OPCML: variants seen among roughly 807,000 people sequenced by gnomAD.
OPCML encodes the protein opioid binding protein/cell adhesion molecule like.
OPCML carries 13 observed loss-of-function variants against 37.8 expected under a neutral mutation model. The observed-to-expected ratio is 0.34, with a 90% CI of 0.22 to 0.55. The LOEUF is 0.55. Ranked by LOEUF, OPCML falls within the 20% of genes least tolerant of loss-of-function variation. The pLI is 0.91. For missense variants in OPCML, 341 were observed against 435.6 expected (o/e 0.78, Z 1.93); for synonymous variants, 176 against 168.8 (o/e 1.04, Z -0.33).
At chr11:132,556,510 C>T (rs966274544) in intron 3 of OPCML, among the ~76,000 whole-genome samples, 2 of 152,160 alleles carry the variant, frequency 1.3e-5, no homozygotes, top group Non-Finnish European at 2.9e-5. Context: ...AGAGAAGACA[C>T]TTTCCAAAGG....
chr11:133,326,152 C>A, intron 1 of OPCML, among the ~76,000 whole-genome samples: 1 of 151,904 alleles, frequency 6.6e-6, no homozygotes, highest in East Asian at 1.9e-4. Flanking sequence ...ATAACTGAGT[C>A]CTCTTTCCCT....
At chr11:133,193,697 AATG>A (rs1229012813) in intron 1 of OPCML, among the ~76,000 whole-genome samples, 1 of 152,232 alleles carries the variant, frequency 6.6e-6, no homozygotes, top group African/African-American at 2.4e-5. Context: ...AATAATAAAT[AATG>A]ATAATAATAA....
At chr11:133,400,525 G>A (rs886948412) in intron 1 of OPCML, among the ~76,000 whole-genome samples, 19 of 152,150 alleles carry the variant, frequency 1.2e-4, no homozygotes, top group African/African-American at 3.6e-4. Flanking sequence ...TAAAAACAAC[G>A]CTTTGCAGTT....
chr11:132,496,488 G>A (rs2096231636), intron 4 of OPCML, among the ~76,000 whole-genome samples: 1 of 152,146 alleles, frequency 6.6e-6, no homozygotes, highest in African/African-American at 2.4e-5. Flanking sequence ...CACTGCTCTT[G>A]TCCTCTTGAG....
chr11:133,394,898 G>C (rs1158293337), intron 1 of OPCML, among the ~76,000 whole-genome samples: 2 of 152,170 alleles, frequency 1.3e-5, no homozygotes, highest in Non-Finnish European at 2.9e-5. Context: ...CCATAAATGG[G>C]ATTGCTAGAT....
intron 1 of OPCML, among the ~76,000 whole-genome samples, chr11:133,457,296 C>G (rs1277256425): frequency 1.3e-5 from 2 of 152,068 alleles, no homozygotes. Context: ...ACTTTGGGAG[C>G]CCAAGGCAGA....
At chr11:132,631,638 T>A (rs933800734) in intron 3 of OPCML, among the ~76,000 whole-genome samples, 1 of 151,072 alleles carries the variant, frequency 6.6e-6, no homozygotes, top group African/African-American at 2.4e-5. Context: ...TTTTTTTTTT[T>A]ATTTTTAGTA....
intron 1 of OPCML, among the ~76,000 whole-genome samples, chr11:132,964,634 G>T (rs187827944): frequency 6.6e-6 from 1 of 152,030 alleles, no homozygotes; most frequent in Non-Finnish European, 1.5e-5. Context: ...ACATCCTACC[G>T]CTTCCTCCTG....
chr11:132,429,659 T>C (rs1326673839), intron 7 of OPCML, among the ~76,000 whole-genome samples: 1 of 152,176 alleles, frequency 6.6e-6, no homozygotes, highest in East Asian at 1.9e-4. Flanking sequence ...TCAGGAATTA[T>C]CAGGCTGTTG....
intron 3 of OPCML, among the ~76,000 whole-genome samples, chr11:132,647,213 A>G (rs11223169): frequency 6.6e-6 from 1 of 152,338 alleles, no homozygotes; most frequent in East Asian, 1.9e-4. Flanking sequence ...AGTGAGTTTA[A>G]GATACAACCT....
intron 2 of OPCML, among the ~76,000 whole-genome samples, chr11:132,841,855 T>G (rs1219726615): frequency 1.3e-5 from 1 of 78,406 alleles, no homozygotes; most frequent in African/African-American, 5.5e-5. Context: ...AATGACACTC[T>G]ATCTCAAAAA....
In OPCML at chr11:133,291,553, G is replaced by A. The variant is rs189163785; in HGVS notation, c.61+240711C>T. The stretch of plus-strand genomic sequence containing the variant: ...TAGAAAGGCAGCTGACATGGTTGCA[G>A]GTTCTGCGCACTGCATGCTCTGTTC... On this transcript the variant is annotated intron_variant, in intron 1 of 7. Transcript: ENST00000524381. Among the ~76,000 whole-genome samples the A allele has an allele frequency of 5.9e-5, 9 of 152,342 alleles. No individual in the cohort carries two copies. The East Asian group carries it at 1.7e-3, about 29-fold the overall frequency.
chr11:132,549,050 C>T (rs2096375473), intron 3 of OPCML, among the ~76,000 whole-genome samples: 1 of 152,066 alleles, frequency 6.6e-6, no homozygotes, highest in Non-Finnish European at 1.5e-5. Flanking sequence ...GGGCTGCATT[C>T]CCAGGAGGTT....
intron 1 of OPCML, among the ~76,000 whole-genome samples, chr11:133,275,178 T>C (rs1941957576): frequency 6.6e-6 from 1 of 152,122 alleles, no homozygotes; most frequent in Admixed American, 6.6e-5. Flanking sequence ...CCTACCTGGG[T>C]TGAGCCAACT....
intron 2 of OPCML, among the ~76,000 whole-genome samples, chr11:132,784,855 C>T (rs1947155207): frequency 6.6e-6 from 1 of 152,186 alleles, no homozygotes; most frequent in Non-Finnish European, 1.5e-5. Flanking sequence ...CCCTGAGGTT[C>T]TCACCAGAAG....
At chr11:132,809,684 GTTTA>G (rs757944560) in intron 2 of OPCML, among the ~76,000 whole-genome samples, 12 of 151,946 alleles carry the variant, frequency 7.9e-5, no homozygotes, top group Non-Finnish European at 1.3e-4. Flanking sequence ...ATCTCCAAGT[GTTTA>G]TTTATGATTT....
chr11:132,721,950 C>CTTTTTTTTTTTTTTTTT, intron 2 of OPCML, among the ~76,000 whole-genome samples: 1 of 82,782 alleles, frequency 1.2e-5, no homozygotes. Flanking sequence ...CTTTCCTTCC[C>CTTTTTTTTTTTTTTTTT]TTTTTTTTTT....
At chr11:133,080,241 G>A (rs901991245) in intron 1 of OPCML, among the ~76,000 whole-genome samples, 13 of 152,124 alleles carry the variant, frequency 8.5e-5, no homozygotes, top group African/African-American at 3.1e-4. Context: ...TCAGACTCCA[G>A]TGTGTCCCCT....
intron 4 of OPCML, among the ~76,000 whole-genome samples, chr11:132,517,347 A>T (rs2096282282): frequency 6.6e-6 from 1 of 152,178 alleles, no homozygotes; most frequent in African/African-American, 2.4e-5. Context: ...AGCTGGACCC[A>T]GAGGTCTTTC....
Sources: gnomAD v4.1 joint callset for allele counts (sites outside exome capture counted in the v4.1 genomes callset) on GRCh38, gnomAD v4.1.1 for gene constraint, MANE v1.5 for transcripts, NCBI Gene and HGNC (gene_info 2026-07-23, HGNC 2026-07-21) for gene names.